The following NCKAP5 variants were observed in gnomAD, a reference collection of about 807,000 sequenced individuals.
NCKAP5 encodes the protein nck-associated protein 5.
NCKAP5 carries 92 observed loss-of-function variants against 167.0 expected under a neutral mutation model. The ratio of observed to expected loss-of-function variants is 0.55; its 90% CI spans 0.47 to 0.66. The LOEUF (loss-of-function observed/expected upper bound fraction) is 0.66, where lower values mean the gene tolerates loss of function less well. NCKAP5 is among the 30% of genes least tolerant of loss of function. NCKAP5 has a pLI of 0.00. For synonymous variants in NCKAP5, 891 were observed against 877.4 expected (o/e 1.02, Z -0.27); for missense variants, 2,378 against 2,315.0 (o/e 1.03, Z -0.56).
intron 8 of NCKAP5, among the ~76,000 whole-genome samples, chr2:132,900,765 A>C (rs1166838629): frequency 6.6e-6 from 1 of 152,064 alleles, no homozygotes; most frequent in Non-Finnish European, 1.5e-5. Flanking sequence ...GATTGAGACC[A>C]GCCTGGCCAA....
intron 8 of NCKAP5, among the ~76,000 whole-genome samples, chr2:132,939,654 T>G (rs1296350406): frequency 1.3e-5 from 2 of 152,176 alleles, no homozygotes; most frequent in African/African-American, 4.8e-5. Flanking sequence ...TTAGTGGCGA[T>G]TTCTGAGAGT....
intron 2 of NCKAP5, among the ~76,000 whole-genome samples, chr2:133,558,704 CAAAAAA>C (rs60051493): frequency 6.1e-4 from 31 of 50,868 alleles, no homozygotes; most frequent in South Asian, 1.2e-3. Context: ...ATGTGCTGAG[CAAAAAA>C]AAAAAAAAAA....
At chr2:132,767,720 A>G (rs1354861710) in intron 16 of NCKAP5, among the ~76,000 whole-genome samples, 1 of 152,248 alleles carries the variant, frequency 6.6e-6, no homozygotes, top group Non-Finnish European at 1.5e-5. Context: ...CCCTGGAAAA[A>G]TGGAAATATA....
chr2:132,819,574 C>T (rs1050697975), intron 11 of NCKAP5, among the ~76,000 whole-genome samples: 5 of 152,014 alleles, frequency 3.3e-5, no homozygotes, highest in South Asian at 2.1e-4. Flanking sequence ...GATCAATACA[C>T]GGTCATAAAG....
intron 10 of NCKAP5, among the ~76,000 whole-genome samples, chr2:132,863,025 T>C (rs1024747929): frequency 2.0e-5 from 3 of 152,046 alleles, no homozygotes; most frequent in South Asian, 4.2e-4. Flanking sequence ...TTTCACCATA[T>C]TGGCCAGGCT....
chr2:133,573,945 G>A, the NCKAP5 span, among the ~76,000 whole-genome samples: 2 of 152,098 alleles, frequency 1.3e-5, no homozygotes, highest in Admixed American at 1.3e-4. Context: ...TTTAACCTGC[G>A]AACAGAGTCT....
chr2:133,049,523 C>A (rs1041367368), intron 6 of NCKAP5, among the ~76,000 whole-genome samples: 1 of 118,972 alleles, frequency 8.4e-6, no homozygotes, highest in African/African-American at 3.4e-5. Flanking sequence ...CAAGCCTGGG[C>A]GACAGAGTGA....
chr2:133,522,789 A>G (rs1230630402), intron 2 of NCKAP5, among the ~76,000 whole-genome samples: 1 of 152,234 alleles, frequency 6.6e-6, no homozygotes, highest in African/African-American at 2.4e-5. Context: ...TTGAAATGTC[A>G]TCAACCTAAA....
chr2:133,558,889 A>C (rs1687958916), intron 2 of NCKAP5, among the ~76,000 whole-genome samples, 161 bp downstream of exon 2: 1 of 152,078 alleles, frequency 6.6e-6, no homozygotes, highest in Non-Finnish European at 1.5e-5. Flanking sequence ...ACAACTTCCT[A>C]AACCTGGGAC....
chr2:133,573,433 C>CATCT (rs930685649), upstream of NCKAP5, among the ~76,000 whole-genome samples: 3 of 152,152 alleles, frequency 2.0e-5, no homozygotes, highest in Admixed American at 6.5e-5. Flanking sequence ...ATACAGCCTA[C>CATCT]ATCTGCTGGG....
intron 16 of NCKAP5, among the ~76,000 whole-genome samples, chr2:132,736,062 A>T (rs985800727): frequency 1.1e-4 from 16 of 152,168 alleles, no homozygotes; most frequent in African/African-American, 3.9e-4. Context: ...AAACTCATAA[A>T]CCATTCACTA....
intron 11 of NCKAP5, among the ~76,000 whole-genome samples, chr2:132,805,606 T>C (rs1033686102): frequency 9.3e-5 from 14 of 150,980 alleles, no homozygotes; most frequent in Non-Finnish European, 1.8e-4. Context: ...ATTCTTTCCA[T>C]GGAAGCATAA....
intron 7 of NCKAP5, among the ~76,000 whole-genome samples, chr2:132,992,492 T>G (rs1405429043): frequency 6.6e-6 from 1 of 152,174 alleles, no homozygotes; most frequent in Non-Finnish European, 1.5e-5. Context: ...GCCTGATTAT[T>G]TAGTTTTAAT....
At chr2:133,437,583 G>A (rs1440023651) in intron 3 of NCKAP5, among the ~76,000 whole-genome samples, 2 of 152,144 alleles carry the variant, frequency 1.3e-5, no homozygotes, top group Non-Finnish European at 2.9e-5. Context: ...CCCTACTGAT[G>A]TTGGGGAAGT....
intron 16 of NCKAP5, among the ~76,000 whole-genome samples, chr2:132,742,909 G>A (rs992783132): frequency 5.9e-5 from 9 of 151,798 alleles, no homozygotes; most frequent in Non-Finnish European, 8.8e-5. Flanking sequence ...CCATTTCAGT[G>A]GCTACCCTCC....
At chr2:132,731,613 G>A in intron 17 of NCKAP5, 124 bp downstream of exon 17, 8 of 1,021,546 alleles carry the variant, frequency 7.8e-6, no homozygotes, top group Non-Finnish European at 1.1e-5. Context: ...TGAAGGACAT[G>A]AAGGAATTTT....
At chr2:132,744,635 T>TA (rs74799315) in intron 16 of NCKAP5, among the ~76,000 whole-genome samples, 3,603 of 145,296 alleles carry the variant, frequency 0.025, 61 homozygotes, top group African/African-American at 0.046. Context: ...TTAAGAAAAT[T>TA]AAAAAAAAAA....
At chr2:133,383,053 T>A (rs1686640376) in intron 3 of NCKAP5, among the ~76,000 whole-genome samples, 1 of 152,100 alleles carries the variant, frequency 6.6e-6, no homozygotes, top group South Asian at 2.1e-4. Context: ...CATTCTAGGA[T>A]TGCTTTTTTT....
At chr2:132,708,815 T>TGCTAATAATACA (rs923066949) in intron 19 of NCKAP5, among the ~76,000 whole-genome samples, 6 of 152,226 alleles carry the variant, frequency 3.9e-5, no homozygotes, top group Non-Finnish European at 7.3e-5. Flanking sequence ...ATATACATGG[T>TGCTAATAATACA]GCTAATATTT....
Sources: gnomAD v4.1 joint callset for allele counts (sites outside exome capture counted in the v4.1 genomes callset) on GRCh38, gnomAD v4.1.1 for gene constraint, MANE v1.5 for transcripts, NCBI Gene and HGNC (gene_info 2026-07-23, HGNC 2026-07-21) for gene names.